The following MRE11 variants were observed in gnomAD, a reference collection of about 807,000 sequenced individuals.
MRE11 encodes MRE11 double strand break repair nuclease, also known as double-strand break repair protein MRE11.
In MRE11, 62 loss-of-function variants were observed where a neutral mutation model predicts 91.7. That is an observed-to-expected ratio of 0.68 (90% confidence interval 0.55 to 0.84). The LOEUF (loss-of-function observed/expected upper bound fraction) is 0.84, where lower values mean the gene tolerates loss of function less well. Ranked by LOEUF, MRE11 falls within the 40% of genes least tolerant of loss-of-function variation. MRE11 has a pLI of 0.00. For synonymous variants in MRE11, 273 were observed against 271.4 expected, an observed-to-expected ratio of 1.01 and a Z score of -0.06; for missense variants, 796 against 852.9, an observed-to-expected ratio of 0.93 and a Z score of 0.83.
chr11:94,461,127 C>A (rs759921464), intron 11 of MRE11, 91 bp from the exon 12 acceptor site: 13 of 1,116,370 alleles, frequency 1.2e-5, no homozygotes, highest in South Asian at 2.8e-5. Flanking sequence ...GAAGGTAAGG[C>A]CAAACTTTAG....
At chr11:94,481,146 T>A (rs897786819) in intron 4 of MRE11, among the ~76,000 whole-genome samples, 1 of 152,016 alleles carries the variant, frequency 6.6e-6, no homozygotes, top group African/African-American at 2.4e-5. Flanking sequence ...CTGTCTCTAC[T>A]AAAAACACAA....
rs200718476 is a variant in MRE11 at position 94,445,909 on chromosome 11, A to C, written c.1784-16T>G. ...CCAGTGTCTGCTGTTAGAAAAATGA[A>C]CAGTCAATGTACAAGCCTATCAGCA... On this transcript the variant is annotated splice_polypyrimidine_tract_variant and intron_variant, in intron 15 of 19. Transcript: ENST00000323929. The C allele has an allele frequency of 4.6e-4, 736 of 1,587,536 alleles. 11 individuals are homozygous for C. In the South Asian group the frequency reaches 7.8e-3, roughly 17 times the overall value.
chr11:94,507,776 T>C, the MRE11 span, among the ~76,000 whole-genome samples: 1 of 152,208 alleles, frequency 6.6e-6, no homozygotes, highest in African/African-American at 2.4e-5. Context: ...GACTGACCAC[T>C]TGGATCTTCT....
intron 16 of MRE11, among the ~76,000 whole-genome samples, chr11:94,441,780 C>T (rs1008342073): frequency 1.3e-5 from 2 of 151,860 alleles, no homozygotes; most frequent in African/African-American, 4.8e-5. Flanking sequence ...AGTTTAAGAC[C>T]AGACTAGCCA....
rs876659237 is a variant in MRE11 at position 94,447,431 on chromosome 11, G to A, written c.1571C>T (p.Thr524Ile). 2 of 1,614,094 alleles carry A rather than the reference G, an allele frequency of 1.2e-6. No homozygotes were observed. Among genetic ancestry groups the A allele is most frequent in the Non-Finnish European group, 1.7e-6 (2 of 1,179,990 alleles). ...EEDDEVREAMTRARALRSQSE... is the reference protein window; with the variant it reads ...EEDDEVREAMIRARALRSQSE... ...CTGAGATCTGAGTGCTCTGGCCCTG[G>A]TCATAGCCTAAGAGGGAGAAGAAGG... is the stretch of plus-strand genomic sequence containing the variant. The change falls in exon 15 of 20, where the codon ACC (threonine) becomes ATC (isoleucine). Residue 524 changes from threonine (T) to isoleucine (I), a missense_variant. Physicochemically the swap from Thr to Ile is moderately conservative, Grantham distance 89 (BLOSUM62 -1). Coordinates refer to ENST00000323929, the MANE Select transcript of MRE11 (RefSeq NM_005591.4).
intron 4 of MRE11, 34 bp from the exon 5 acceptor site, chr11:94,479,795 C>T (rs115461304): frequency 8.7e-5 from 135 of 1,557,452 alleles, no homozygotes; most frequent in African/African-American, 1.8e-4. Flanking sequence ...AATTTCCATA[C>T]GGGACAAAAG....
intron 16 of MRE11, among the ~76,000 whole-genome samples, chr11:94,439,168 C>T (rs1945706756): frequency 6.6e-6 from 1 of 152,106 alleles, no homozygotes. Flanking sequence ...TTATTTATCT[C>T]TTCACTCCTC....
intron 19 of MRE11, among the ~76,000 whole-genome samples, chr11:94,425,406 C>A (rs1945285595): frequency 6.6e-6 from 1 of 152,128 alleles, no homozygotes; most frequent in Non-Finnish European, 1.5e-5. Context: ...CACTTAAGGA[C>A]ATAGCTTAGA....
chr11:94,441,128 C>G (rs1250500743), intron 16 of MRE11, among the ~76,000 whole-genome samples: 1 of 152,130 alleles, frequency 6.6e-6, no homozygotes, highest in African/African-American at 2.4e-5. Context: ...CTGATAGGTC[C>G]CCTTTAAAAG....
In MRE11 at chr11:94,476,387, T is replaced by G; in HGVS notation, c.561A>C (p.Glu187Asp). The G allele has an allele frequency of 6.2e-7, 1 of 1,609,346 alleles. No individual in the cohort carries two copies. The change falls in exon 7 of 20, where the codon GAA (glutamate) becomes GAC (aspartate). Residue 187 changes from glutamate to aspartate, a missense_variant. Physicochemically the swap from Glu to Asp is conservative, Grantham distance 45 (BLOSUM62 2). Coordinates refer to ENST00000323929, the MANE Select transcript of MRE11 (RefSeq NM_005591.4). ...ALYGLGSIPDERLYRMFVNKK... is the reference protein window; with the variant it reads ...ALYGLGSIPDDRLYRMFVNKK... The stretch of plus-strand genomic sequence containing the variant: ...TATTGACAAACATTCGATAGAGCCT[T>G]TCATCTGGAATGGATCCTGAAATGG...
chr11:94,441,434 G>A (rs1317124763), intron 16 of MRE11, among the ~76,000 whole-genome samples: 1 of 152,104 alleles, frequency 6.6e-6, no homozygotes, highest in Non-Finnish European at 1.5e-5. Flanking sequence ...CTTCATCCAA[G>A]GTCTCAAATT....
At chr11:94,511,734 T>C in the MRE11 span, among the ~76,000 whole-genome samples, 1 of 152,218 alleles carries the variant, frequency 6.6e-6, no homozygotes, top group African/African-American at 2.4e-5. Context: ...TATAAAACAA[T>C]GCACATTCAA....
At chr11:94,437,919 G>A (rs1945666598) in intron 16 of MRE11, among the ~76,000 whole-genome samples, 1 of 152,000 alleles carries the variant, frequency 6.6e-6, no homozygotes, top group African/African-American at 2.4e-5. Flanking sequence ...AAGGTCCAGA[G>A]TTCAAGACAA....
At chr11:94,478,568 T>C (rs541885523) in intron 6 of MRE11, among the ~76,000 whole-genome samples, 167 bp downstream of exon 6, 2 of 152,288 alleles carry the variant, frequency 1.3e-5, no homozygotes, top group African/African-American at 2.4e-5. Context: ...CGAAAAGACA[T>C]TTTTTCACCA....
chr11:94,459,804 G>C (rs1301437994), intron 12 of MRE11, among the ~76,000 whole-genome samples: 6 of 152,262 alleles, frequency 3.9e-5, no homozygotes, highest in Middle Eastern at 6.8e-3. Flanking sequence ...CTAGGATATG[G>C]AGTCCAAAAA....
rs1946364878 is a variant in MRE11 at position 94,459,720 on chromosome 11, G to C, written c.1327-139C>G. On this transcript the variant is annotated intron_variant, in intron 12 of 19. Coordinates refer to ENST00000323929, the MANE Select transcript of MRE11 (RefSeq NM_005591.4). Reference sequence around the variant, plus strand: ...CTGTAGTTAAGCCTACTAATATCAGGAACCAGAAAAAGCAAAGTCAAAACC... The same window carrying C: ...CTGTAGTTAAGCCTACTAATATCAGCAACCAGAAAAAGCAAAGTCAAAACC... The C allele has an allele frequency of 3.1e-6, 3 of 966,070 alleles. No homozygotes were observed. The East Asian group carries it at 7.8e-5, about 25-fold the overall frequency. 59.8% of individuals were successfully genotyped at this position (966,070 alleles called of 1,614,324 possible).
At chr11:94,446,279 C>A (rs955939728) in intron 15 of MRE11, among the ~76,000 whole-genome samples, 11 of 152,084 alleles carry the variant, frequency 7.2e-5, no homozygotes, top group African/African-American at 2.7e-4. Flanking sequence ...TGATGATGGG[C>A]CCCTGTAATC....
intron 12 of MRE11, among the ~76,000 whole-genome samples, chr11:94,460,141 T>C (rs913004528): frequency 6.6e-6 from 1 of 152,126 alleles, no homozygotes; most frequent in African/African-American, 2.4e-5. Flanking sequence ...AGTAGGCACC[T>C]CTAGAAGCTG....
At chr11:94,428,955 T>A (rs557020195) in intron 19 of MRE11, among the ~76,000 whole-genome samples, 1 of 150,844 alleles carries the variant, frequency 6.6e-6, no homozygotes, top group South Asian at 2.1e-4. Context: ...CCAACAAAGG[T>A]CTAATATCAA....
Sources: gnomAD v4.1 joint callset for allele counts (sites outside exome capture counted in the v4.1 genomes callset) on GRCh38, gnomAD v4.1.1 for gene constraint, MANE v1.5 for transcripts, NCBI Gene and HGNC (gene_info 2026-07-23, HGNC 2026-07-21) for gene names.